The following TMEM132C variants were observed in gnomAD, a reference collection of about 807,000 sequenced individuals.
TMEM132C encodes the protein transmembrane protein 132C.
Under a neutral mutation model 61.4 loss-of-function variants are expected in TMEM132C, and 29 were observed. That is an observed-to-expected ratio of 0.47 (90% CI 0.35 to 0.64). The LOEUF (loss-of-function observed/expected upper bound fraction) is 0.64, where lower values mean the gene tolerates loss of function less well. TMEM132C is among the 30% of genes least tolerant of loss of function. The probability of loss-of-function intolerance (pLI) is 0.00; values close to 1 mark genes in which losing one functional copy is unlikely to be tolerated. For missense variants in TMEM132C, 1,408 were observed against 1,476.9 expected, an observed-to-expected ratio of 0.95 and a Z score of 0.76; for synonymous variants, 656 against 633.1, an observed-to-expected ratio of 1.04 and a Z score of -0.54.
intron 4 of TMEM132C, among the ~76,000 whole-genome samples, chr12:128,624,466 C>T (rs910557001): frequency 6.7e-6 from 1 of 148,980 alleles, no homozygotes; most frequent in Non-Finnish European, 1.5e-5. Context: ...ATTGCTTGAA[C>T]TCGGGTGGCA....
intron 5 of TMEM132C, among the ~76,000 whole-genome samples, chr12:128,693,026 C>T (rs758315337): frequency 3.3e-5 from 5 of 152,124 alleles, no homozygotes; most frequent in East Asian, 1.9e-4. Context: ...AATAATCCCA[C>T]GGGGTCATAG....
chr12:128,287,969 T>C (rs1334470542), intron 1 of TMEM132C, among the ~76,000 whole-genome samples: 1 of 152,226 alleles, frequency 6.6e-6, no homozygotes, highest in African/African-American at 2.4e-5. Flanking sequence ...CTTCCGGACA[T>C]TGAGTTCTGA....
chr12:128,538,477 C>A lies in TMEM132C; in HGVS notation c.975-5480C>A, dbSNP rs949721062. Among the ~76,000 whole-genome samples, 9 of 152,272 alleles carry A rather than the reference C, an allele frequency of 5.9e-5. No homozygotes were observed. The South Asian group carries it at 1.2e-3, about 21-fold the overall frequency. Reference sequence around the variant, plus strand: ...ATGTTATTTTGTTGTCCAGGTTAGTCTCAAACTCTTGGCCTCCAGGGATCC... The same window carrying A: ...ATGTTATTTTGTTGTCCAGGTTAGTATCAAACTCTTGGCCTCCAGGGATCC... On this transcript the variant is annotated intron_variant, in intron 2 of 8. Transcript: ENST00000435159.
chr12:128,517,736 C>T (rs1270149768), intron 2 of TMEM132C, among the ~76,000 whole-genome samples: 1 of 152,104 alleles, frequency 6.6e-6, no homozygotes, highest in Non-Finnish European at 1.5e-5. Context: ...TGGTAAAATT[C>T]TCCAAGCTTT....
At chr12:128,282,305 TC>T (rs1455192347) in intron 1 of TMEM132C, among the ~76,000 whole-genome samples, 1 of 152,218 alleles carries the variant, frequency 6.6e-6, no homozygotes, top group African/African-American at 2.4e-5. Flanking sequence ...TATAAAGAAT[TC>T]CCCTGAGACG....
At chr12:128,424,684 T>C (rs1267299318) in intron 2 of TMEM132C, among the ~76,000 whole-genome samples, 1 of 152,224 alleles carries the variant, frequency 6.6e-6, no homozygotes, top group Non-Finnish European at 1.5e-5. Context: ...GTGAATATAC[T>C]AAATACTGAA....
At chr12:128,518,334 A>G (rs1403811224) in intron 2 of TMEM132C, among the ~76,000 whole-genome samples, 1 of 152,224 alleles carries the variant, frequency 6.6e-6, no homozygotes, top group Non-Finnish European at 1.5e-5. Flanking sequence ...TTTATCAACA[A>G]TAGCTTCGGA....
At chr12:128,358,445 C>T (rs1367473245) in intron 1 of TMEM132C, among the ~76,000 whole-genome samples, 3 of 151,010 alleles carry the variant, frequency 2.0e-5, no homozygotes, top group Non-Finnish European at 4.4e-5. Flanking sequence ...ATAGCAGTAG[C>T]AAATACTATG....
chr12:128,350,897 A>T (rs1873317605), intron 1 of TMEM132C, among the ~76,000 whole-genome samples: 1 of 152,128 alleles, frequency 6.6e-6, no homozygotes, highest in Non-Finnish European at 1.5e-5. Context: ...GTCACCTTAA[A>T]GGTAGGGGCA....
At chr12:128,421,860 G>A (rs1041471487) in intron 2 of TMEM132C, among the ~76,000 whole-genome samples, 1 of 152,224 alleles carries the variant, frequency 6.6e-6, no homozygotes, top group Non-Finnish European at 1.5e-5. Context: ...GTTGGCTCAT[G>A]AGGGTAAGCC....
chr12:128,375,872 G>A (rs1408092921), intron 1 of TMEM132C, among the ~76,000 whole-genome samples: 2 of 152,194 alleles, frequency 1.3e-5, no homozygotes, highest in East Asian at 3.9e-4. Flanking sequence ...GAGCGAGGGT[G>A]GCATATCCAG....
At chr12:128,617,732 G>A (rs1228553412) in intron 4 of TMEM132C, among the ~76,000 whole-genome samples, 1 of 152,026 alleles carries the variant, frequency 6.6e-6, no homozygotes, top group Admixed American at 6.6e-5. Flanking sequence ...GGCAAGTGTG[G>A]AATGAGACTA....
At chr12:128,371,363 T>C (rs1250842220) in intron 1 of TMEM132C, among the ~76,000 whole-genome samples, 1 of 152,162 alleles carries the variant, frequency 6.6e-6, no homozygotes, top group Non-Finnish European at 1.5e-5. Context: ...GCCTGTCCAA[T>C]CAAAGCATCC....
chr12:128,673,625 C>T (rs530030934), intron 5 of TMEM132C, among the ~76,000 whole-genome samples: 2 of 152,232 alleles, frequency 1.3e-5, no homozygotes, highest in Non-Finnish European at 2.9e-5. Context: ...CAAAAATAGT[C>T]TATGCTCTGT....
At position 128,267,400 on chromosome 12, in the gene TMEM132C, A is replaced by G. The variant is rs1375485642; in HGVS notation, c.-3A>G. On this transcript the variant is annotated 5_prime_UTR_variant, in exon 1 of 9. Transcript: ENST00000435159. ...CGGGCTGCGTGAGCGGCCGGGACGC[A>G]GGATGCGCTCCGAGGGTGCGGCCCC... The G allele has an allele frequency of 5.9e-6, 7 of 1,182,440 alleles. No homozygotes were observed. The highest frequency in any genetic ancestry group is 7.3e-6 in the Non-Finnish European group (7 of 958,092). The allele number at this position is 1,182,440 out of a possible 1,614,324, so 73.2% of individuals were successfully genotyped here.
chr12:128,686,811 G>T (rs1410342683), intron 5 of TMEM132C, among the ~76,000 whole-genome samples: 7 of 152,202 alleles, frequency 4.6e-5, no homozygotes, highest in Non-Finnish European at 1.0e-4. Flanking sequence ...AAGCGAGCAG[G>T]TAAAATCTAC....
intron 2 of TMEM132C, among the ~76,000 whole-genome samples, chr12:128,498,722 G>C (rs1872055592): frequency 6.6e-6 from 1 of 151,976 alleles, no homozygotes; most frequent in Non-Finnish European, 1.5e-5. Context: ...TTTCTATACA[G>C]AGTAATGCTC....
At chr12:128,516,309 T>C (rs542458436) in intron 2 of TMEM132C, among the ~76,000 whole-genome samples, 202 of 152,266 alleles carry the variant, frequency 1.3e-3, no homozygotes, top group African/African-American at 4.8e-3. Context: ...GGACAATTGG[T>C]GTGAGCACGA....
intron 4 of TMEM132C, among the ~76,000 whole-genome samples, chr12:128,648,120 G>A (rs1218174566): frequency 2.0e-5 from 3 of 150,976 alleles, no homozygotes; most frequent in South Asian, 2.1e-4. Flanking sequence ...TGTGTTTACT[G>A]GAGTCCATTA....
Sources: gnomAD v4.1 joint callset for allele counts (sites outside exome capture counted in the v4.1 genomes callset) on GRCh38, gnomAD v4.1.1 for gene constraint, MANE v1.5 for transcripts, NCBI Gene and HGNC (gene_info 2026-07-23, HGNC 2026-07-21) for gene names.